Variants in ERBB4 observed in about 807,000 individuals in gnomAD.
ERBB4 encodes receptor tyrosine-protein kinase erbB-4.
A neutral mutation model predicts 158.0 loss-of-function variants in ERBB4; 42 were observed. The ratio of observed to expected loss-of-function variants is 0.27; its 90% CI spans 0.21 to 0.34. The LOEUF is 0.34. Ranked by LOEUF, ERBB4 falls within the 10% of genes least tolerant of loss-of-function variation. The pLI, the probability that ERBB4 is intolerant of heterozygous loss-of-function variation, is 1.00. For missense variants in ERBB4, 1,333 were observed against 1,624.1 expected (o/e 0.82, Z 3.08); for synonymous variants, 583 against 558.7 (o/e 1.04, Z -0.61).
intron 1 of ERBB4, among the ~76,000 whole-genome samples, chr2:212,436,008 T>C (rs13388843): frequency 0.11 from 16,012 of 151,802 alleles, 1,140 homozygotes; most frequent in Non-Finnish European, 0.16. Context: ...CCTCAATGAA[T>C]AGAAAATTCA....
intron 1 of ERBB4, among the ~76,000 whole-genome samples, chr2:212,129,503 AT>A (rs1244876019): frequency 6.6e-6 from 1 of 151,714 alleles, no homozygotes; most frequent in Non-Finnish European, 1.5e-5. Flanking sequence ...TCATTTAAAT[AT>A]TTGTATGGTA....
intron 1 of ERBB4, among the ~76,000 whole-genome samples, chr2:212,535,319 AAG>A (rs1692989636): frequency 6.6e-6 from 1 of 152,166 alleles, no homozygotes; most frequent in African/African-American, 2.4e-5. Context: ...ACTTGTAAGA[AAG>A]AGAATTGATG....
intron 15 of ERBB4, among the ~76,000 whole-genome samples, chr2:211,662,270 A>G (rs1268031840): frequency 6.6e-6 from 1 of 152,014 alleles, no homozygotes; most frequent in African/African-American, 2.4e-5. Flanking sequence ...AAGTGATATT[A>G]GTGAGGAAAA....
At chr2:211,862,672 T>C (rs115613109) in intron 3 of ERBB4, among the ~76,000 whole-genome samples, 1,764 of 152,320 alleles carry the variant, frequency 0.012, 28 homozygotes, top group Non-Finnish European at 0.016. Context: ...GCTCAAAGAA[T>C]TTAAAATGGA....
intron 20 of ERBB4, among the ~76,000 whole-genome samples, chr2:211,461,866 T>C (rs1465443707): frequency 1.3e-5 from 2 of 151,646 alleles, no homozygotes; most frequent in Admixed American, 1.3e-4. Context: ...TAACAGTGTG[T>C]ATTAGTTCCT....
intron 1 of ERBB4, among the ~76,000 whole-genome samples, chr2:212,355,504 T>C (rs2089430591): frequency 6.6e-6 from 1 of 152,066 alleles, no homozygotes; most frequent in South Asian, 2.1e-4. Flanking sequence ...TTAACAGCTA[T>C]GGAAAAATCC....
At chr2:211,667,778 G>A (rs901433136) in intron 14 of ERBB4, among the ~76,000 whole-genome samples, 1 of 152,140 alleles carries the variant, frequency 6.6e-6, no homozygotes, top group African/African-American at 2.4e-5. Context: ...TTCTTATAAT[G>A]TAAAATCATG....
At chr2:212,273,463 A>G (rs1023547896) in intron 1 of ERBB4, among the ~76,000 whole-genome samples, 2 of 151,838 alleles carry the variant, frequency 1.3e-5, no homozygotes, top group African/African-American at 4.8e-5. Context: ...CCAGATAGAA[A>G]TAGCAAATAT....
At chr2:212,356,655 T>C (rs1044584734) in intron 1 of ERBB4, among the ~76,000 whole-genome samples, 1 of 151,946 alleles carries the variant, frequency 6.6e-6, no homozygotes, top group Non-Finnish European at 1.5e-5. Context: ...TGCAACTGTC[T>C]ATACATGCCC....
At position 211,382,043 on chromosome 2, in the gene ERBB4, T is replaced by C. The variant is rs182214916; in HGVS notation, c.*1572A>G. The C allele has an allele frequency of 8.7e-6, 2 of 229,442 alleles. No individual in the cohort carries two copies. Among genetic ancestry groups the C allele is most frequent in the Admixed American group, 5.7e-5 (1 of 17,670 alleles). 14.2% of individuals were successfully genotyped at this position (229,442 alleles called of 1,614,324 possible). On this transcript the variant is annotated 3_prime_UTR_variant, in exon 28 of 28. Coordinates refer to ENST00000342788, the MANE Select transcript of ERBB4 (RefSeq NM_005235.3). Reference sequence around the variant, plus strand: ...TGCAGTATATGAAGAAAGGGAATTATATAAAGTATCAAAAGATTAGTGTGT... The same window carrying C: ...TGCAGTATATGAAGAAAGGGAATTACATAAAGTATCAAAAGATTAGTGTGT...
chr2:212,233,099 G>A (rs1254126280), intron 1 of ERBB4, among the ~76,000 whole-genome samples: 2 of 152,166 alleles, frequency 1.3e-5, no homozygotes, highest in South Asian at 2.1e-4. Flanking sequence ...TTCAGGACAT[G>A]CTATTGGATT....
intron 3 of ERBB4, among the ~76,000 whole-genome samples, chr2:211,911,973 T>C (rs115136253): frequency 0.015 from 2,351 of 152,140 alleles, 22 homozygotes; most frequent in Non-Finnish European, 0.023. Context: ...AGCTTTAGAG[T>C]GCATCTAGGG....
At position 211,382,761 on chromosome 2, in the gene ERBB4, A is replaced by C. The variant is rs577679728; in HGVS notation, c.*854T>G. The C allele has an allele frequency of 1.3e-5, 3 of 232,756 alleles. No homozygotes were observed. The Admixed American group carries it at 1.7e-4, about 13-fold the overall frequency. 14.4% of individuals were successfully genotyped at this position (232,756 alleles called of 1,614,324 possible). ...TGAAAAATGTAAAGGATGAGGGTGA[A>C]GATAATTTGATAGCATGAAAAATAT... On this transcript the variant is annotated 3_prime_UTR_variant, in exon 28 of 28. Transcript: ENST00000342788.
chr2:211,945,366 G>T (rs2080657028), intron 3 of ERBB4, among the ~76,000 whole-genome samples: 1 of 151,912 alleles, frequency 6.6e-6, no homozygotes, highest in Non-Finnish European at 1.5e-5. Context: ...AATAATTTTG[G>T]CACATAACAA....
intron 20 of ERBB4, among the ~76,000 whole-genome samples, chr2:211,550,081 T>C (rs1261951629): frequency 6.6e-6 from 1 of 152,252 alleles, no homozygotes; most frequent in Non-Finnish European, 1.5e-5. Context: ...GATGTTTTGA[T>C]ACATGTATAC....
intron 3 of ERBB4, among the ~76,000 whole-genome samples, chr2:211,886,132 T>A (rs1475551733): frequency 6.6e-6 from 1 of 152,224 alleles, no homozygotes; most frequent in African/African-American, 2.4e-5. Context: ...CTGTTTTCTC[T>A]GTCTTAGATA....
chr2:212,117,712 A>G (rs1445036441), intron 2 of ERBB4, among the ~76,000 whole-genome samples: 1 of 152,130 alleles, frequency 6.6e-6, no homozygotes, highest in Non-Finnish European at 1.5e-5. Flanking sequence ...GGGAAATATG[A>G]GATTGTAATT....
At chr2:211,564,509 C>T (rs1276000421) in intron 19 of ERBB4, among the ~76,000 whole-genome samples, 2 of 152,158 alleles carry the variant, frequency 1.3e-5, no homozygotes, top group Admixed American at 6.5e-5. Context: ...CATTCCATCT[C>T]CCAAATAGAG....
chr2:211,430,318 T>C (rs989840586), intron 21 of ERBB4, among the ~76,000 whole-genome samples: 67 of 152,142 alleles, frequency 4.4e-4, no homozygotes, highest in African/African-American at 1.6e-3. Context: ...TGAAGTCTAG[T>C]CCTAATAGTT....
Sources: allele counts gnomAD v4.1 joint callset (sites outside exome capture counted in the v4.1 genomes callset), GRCh38; gene constraint gnomAD v4.1.1; transcripts MANE v1.5; gene names NCBI Gene and HGNC (gene_info 2026-07-23, HGNC 2026-07-21).